Variants in MRPL35 observed in about 807,000 individuals in gnomAD.
The protein encoded by MRPL35 is large ribosomal subunit protein bL35m.
Under a neutral mutation model 21.6 loss-of-function variants are expected in MRPL35, and 18 were observed. The ratio of observed to expected loss-of-function variants is 0.83; its 90% CI spans 0.58 to 1.24. The LOEUF (loss-of-function observed/expected upper bound fraction) is 1.24, where lower values mean the gene tolerates loss of function less well. Ranked by LOEUF, MRPL35 falls within the 50% of genes most tolerant of loss-of-function variation. MRPL35 has a pLI of 0.00. For synonymous variants in MRPL35, 87 were observed against 86.9 expected (o/e 1.00, Z -0.01); for missense variants, 223 against 223.2 (o/e 1.00, Z 0.01).
chr2:86,206,275 T>C lies in MRPL35; in HGVS notation c.213T>C (p.His71=). Residue 71 remains histidine, a synonymous_variant, in exon 2 of 4, where the codon CAT becomes CAC. Transcript: ENST00000337109. ...CTGAGAGAAACCTGACATGTGGGCA[T>C]ACCTCAGTGATCCTTAATAGGTAGA... ...TTSERNLTCG[H]TSVILNRMAP... 6.2e-7 allele frequency: 1 copy of C among 1,613,462 alleles called. No individual in the cohort carries two copies. Among genetic ancestry groups the C allele is most frequent in the Admixed American group, 1.7e-5 (1 of 59,920 alleles).
chr2:86,207,229 C>CT lies in MRPL35; in HGVS notation c.281dup (p.Thr95AsnfsTer19), dbSNP rs1413692560. Reference sequence around the variant, plus strand: ...TGTCCTGAAGCTGCCAGTCAGATCTCTAACATACTTCAGTGCAAGAAAAGG... The same window carrying CT: ...TGTCCTGAAGCTGCCAGTCAGATCTCTTAACATACTTCAGTGCAAGAAAAGG... On this transcript the variant is annotated frameshift_variant, in exon 3 of 4. Transcript: ENST00000337109. LOFTEE classifies it high-confidence loss of function. 1.3e-5 allele frequency: 21 copies of CT among 1,613,812 alleles called. No individual in the cohort carries two copies. Among genetic ancestry groups the CT allele is most frequent in the Non-Finnish European group, 1.8e-5 (21 of 1,179,914 alleles).
intron 1 of MRPL35, among the ~76,000 whole-genome samples, chr2:86,204,469 T>C (rs1039030424): frequency 2.0e-5 from 3 of 149,520 alleles, no homozygotes; most frequent in Admixed American, 6.7e-5. Flanking sequence ...TTTTATACTT[T>C]AAGTTCTGAG....
chr2:86,199,510 C>G lies in MRPL35; in HGVS notation c.20C>G (p.Ala7Gly). Reference protein sequence around the residue: MAASAFAGAVRAASGIL... With the variant: MAASAFGGAVRAASGIL... ...GTGAAGATGGCTGCCTCTGCCTTTG[C>G]TGGTGCAGTGAGAGCAGCTTCAGGT... is the stretch of plus-strand genomic sequence containing the variant. Residue 7 changes from alanine (A) to glycine (G), a missense_variant, in exon 1 of 4, where the codon GCT becomes GGT. Transcript: ENST00000337109. The G allele has an allele frequency of 1.2e-6, 2 of 1,614,172 alleles. No individual in the cohort carries two copies. Among genetic ancestry groups the G allele is most frequent in the Non-Finnish European group, 1.7e-6 (2 of 1,180,042 alleles).
In MRPL35 at chr2:86,204,941, T is replaced by G. The variant is rs181992350; in HGVS notation, c.44-1165T>G. ...CCTTACCAATAACATAAACCATTGA[T>G]TAACATATATTCTGAGGCCGGGCAC... On this transcript the variant is annotated intron_variant, in intron 1 of 3. Transcript: ENST00000337109. 3.9e-5 allele frequency among the ~76,000 whole-genome samples: 6 copies of G among 152,312 alleles called. No individual in the cohort carries two copies. In the East Asian group the frequency reaches 1.2e-3, roughly 29 times the overall value.
At position 86,212,871 on chromosome 2, in the gene MRPL35, T is replaced by C. The variant is rs919730910; in HGVS notation, c.*2203T>C. ...GATGTTCGATTATATGTATAATTTA[T>C]AAAATATTTATGTATAGTTTGTTTA... is the stretch of plus-strand genomic sequence containing the variant. On this transcript the variant is annotated 3_prime_UTR_variant, in exon 4 of 4. Transcript: ENST00000337109. The C allele has an allele frequency of 1.9e-5, 17 of 889,258 alleles. No individual in the cohort carries two copies. The highest frequency in any genetic ancestry group is 6.1e-5 in the Admixed American group (1 of 16,318). The allele number at this position is 889,258 out of a possible 1,614,324, so 55.1% of individuals were successfully genotyped here.
In MRPL35 at chr2:86,207,347, C is replaced by T; in HGVS notation, c.378+20C>T. ...AGAAAGGTGAGTCTTCACACTGTTACTAAATTGAAAAAGGAATGTGAGGCC... is the reference window on the plus strand; with the variant it reads ...AGAAAGGTGAGTCTTCACACTGTTATTAAATTGAAAAAGGAATGTGAGGCC... On this transcript the variant is annotated intron_variant, in intron 3 of 3. Transcript: ENST00000337109. 6.3e-7 allele frequency: 1 copy of T among 1,597,986 alleles called. No homozygotes were observed. Among genetic ancestry groups the T allele is most frequent in the Non-Finnish European group, 8.5e-7 (1 of 1,173,082 alleles).
In MRPL35 at chr2:86,213,368, AT is replaced by A. The variant is rs1673951369; in HGVS notation, c.*2701del. On this transcript the variant is annotated 3_prime_UTR_variant, in exon 4 of 4. Transcript: ENST00000337109. Reference sequence around the variant, plus strand: ...AATGGATTTCCAGCCTTTTTTTCCCATCTGTTCCTGCTTTTAGTCCTCTGAA... The same window carrying A: ...AATGGATTTCCAGCCTTTTTTTCCCACTGTTCCTGCTTTTAGTCCTCTGAA... 1 of 1,252,254 alleles carries A rather than the reference AT, an allele frequency of 8.0e-7. No homozygotes were observed. 77.6% of individuals were successfully genotyped at this position (1,252,254 alleles called of 1,614,324 possible).
chr2:86,203,843 G>A (rs1390998800), intron 1 of MRPL35, among the ~76,000 whole-genome samples: 4 of 152,168 alleles, frequency 2.6e-5, no homozygotes, highest in Non-Finnish European at 5.9e-5. Context: ...CATAGAGCTA[G>A]AATATGAGCC....
intron 1 of MRPL35, among the ~76,000 whole-genome samples, chr2:86,203,063 A>C (rs1673721027): frequency 1.3e-5 from 2 of 148,530 alleles, no homozygotes; most frequent in Non-Finnish European, 3.0e-5. Context: ...CCAACATGAC[A>C]CCACAAGTGG....
Position 86,212,074 on chromosome 2 carries a change from G to A in MRPL35, c.*1406G>A, listed in dbSNP as rs1673912014. ...CTGGGAAGCATTTTCAAACAGCAAAGTACTTTGAAAACCATTATTAAATAG... is the reference window on the plus strand; with the variant it reads ...CTGGGAAGCATTTTCAAACAGCAAAATACTTTGAAAACCATTATTAAATAG... On this transcript the variant is annotated 3_prime_UTR_variant, in exon 4 of 4. Transcript: ENST00000337109. The A allele has an allele frequency of 1.1e-5, 12 of 1,089,806 alleles. No individual in the cohort carries two copies. Among genetic ancestry groups the A allele is most frequent in the Non-Finnish European group, 1.2e-5 (11 of 895,108 alleles). The allele number at this position is 1,089,806 out of a possible 1,614,324, so 67.5% of individuals were successfully genotyped here. A position where few individuals can be genotyped will look rare whatever the true frequency, so the allele number is the denominator to read the frequency against.
In MRPL35 at chr2:86,211,340, G is replaced by A; in HGVS notation, c.*672G>A. ...CTCCAATTGCCAAGGGAATTTAACT[G>A]GGCCAGACTACCTTTTTATACTAGG... On this transcript the variant is annotated 3_prime_UTR_variant, in exon 4 of 4. Transcript: ENST00000337109. The A allele has an allele frequency of 1.1e-5, 10 of 946,972 alleles. No individual in the cohort carries two copies. The highest frequency in any genetic ancestry group is 1.3e-5 in the Non-Finnish European group (10 of 795,052). 58.7% of individuals were successfully genotyped at this position (946,972 alleles called of 1,614,324 possible).
At chr2:86,207,086 C>A in intron 2 of MRPL35, 97 bp from the exon 3 acceptor site, 1 of 1,217,620 alleles carries the variant, frequency 8.2e-7, no homozygotes, top group Non-Finnish European at 1.1e-6. Context: ...AGTTCCAGTC[C>A]ATTGGAGCAG....
rs760130446 is a variant in MRPL35, at chr2:86,199,483, A to T, written c.-8A>T. 10 of 1,614,034 alleles carry T rather than the reference A, an allele frequency of 6.2e-6. No homozygotes were observed. Among genetic ancestry groups the T allele is most frequent in the Non-Finnish European group, 8.5e-6 (10 of 1,180,046 alleles). ...AACCCAAAGCGGCCGCCGTAGGCGA[A>T]GGTGAAGATGGCTGCCTCTGCCTTT... is the stretch of plus-strand genomic sequence containing the variant. On this transcript the variant is annotated 5_prime_UTR_variant, in exon 1 of 4. The change creates a new upstream start codon in the 5' untranslated region. Coordinates refer to ENST00000337109, the MANE Select transcript of MRPL35 (RefSeq NM_016622.4).
chr2:86,210,073 G>T (rs1289581073), intron 3 of MRPL35, among the ~76,000 whole-genome samples: 1 of 150,908 alleles, frequency 6.6e-6, no homozygotes, highest in Non-Finnish European at 1.5e-5. Context: ...CTAATCAATG[G>T]TTTCTTTTTT....
chr2:86,212,125 A>G lies in MRPL35; in HGVS notation c.*1457A>G. The stretch of plus-strand genomic sequence containing the variant: ...AATTATGCATGAATTACTGTTTCAG[A>G]TCCTTTAATGTGGTAGTTGGTAATA... On this transcript the variant is annotated 3_prime_UTR_variant, in exon 4 of 4. Transcript: ENST00000337109. The G allele has an allele frequency of 8.2e-7, 1 of 1,222,924 alleles. No homozygotes were observed. Among genetic ancestry groups the G allele is most frequent in the Non-Finnish European group, 1.0e-6 (1 of 977,626 alleles). The allele number at this position is 1,222,924 out of a possible 1,614,324, so 75.8% of individuals were successfully genotyped here.
At chr2:86,208,036 G>A (rs1049224223) in intron 3 of MRPL35, among the ~76,000 whole-genome samples, 4 of 152,176 alleles carry the variant, frequency 2.6e-5, no homozygotes, top group African/African-American at 9.6e-5. Flanking sequence ...TTGGTTCCCT[G>A]TAAAAATAAA....
chr2:86,205,291 AAAAC>A (rs1673767067), intron 1 of MRPL35, among the ~76,000 whole-genome samples: 1 of 152,252 alleles, frequency 6.6e-6, no homozygotes, highest in Non-Finnish European at 1.5e-5. Flanking sequence ...TCTTAACAAT[AAAAC>A]AAGCTAGAGA....
In MRPL35 at chr2:86,212,780, G is replaced by T. The variant is rs1673933968; in HGVS notation, c.*2112G>T. 2.3e-5 allele frequency: 25 copies of T among 1,083,412 alleles called. No individual in the cohort carries two copies. The highest frequency in any genetic ancestry group is 2.8e-5 in the Non-Finnish European group (25 of 894,084). 67.1% of individuals were successfully genotyped at this position (1,083,412 alleles called of 1,614,324 possible). ...CGATTTTTGTTTTGTGGGTAGGAGGGCTTATCATCAACACTGATTTTATAA... is the reference window on the plus strand; with the variant it reads ...CGATTTTTGTTTTGTGGGTAGGAGGTCTTATCATCAACACTGATTTTATAA... On this transcript the variant is annotated 3_prime_UTR_variant, in exon 4 of 4. Coordinates refer to ENST00000337109, the MANE Select transcript of MRPL35 (RefSeq NM_016622.4).
chr2:86,204,701 T>C (rs962436639), intron 1 of MRPL35, among the ~76,000 whole-genome samples: 1 of 152,156 alleles, frequency 6.6e-6, no homozygotes, highest in Admixed American at 6.5e-5. Flanking sequence ...TCCACCCCAC[T>C]GCCCACTACT....
Sources: allele counts gnomAD v4.1 joint callset (sites outside exome capture counted in the v4.1 genomes callset), GRCh38; gene constraint gnomAD v4.1.1; transcripts MANE v1.5; gene names NCBI Gene and HGNC (gene_info 2026-07-23, HGNC 2026-07-21).